The following ITGA8 variants were observed in gnomAD, a reference collection of about 807,000 sequenced individuals.
ITGA8 encodes the protein integrin alpha-8.
Under a neutral mutation model 142.3 loss-of-function variants are expected in ITGA8, and 91 were observed. That is an observed-to-expected ratio of 0.64 (90% CI 0.54 to 0.76). ITGA8 has a LOEUF of 0.76. Among genes scored for constraint, ITGA8 ranks in the 30% least tolerant of loss-of-function variants. ITGA8 has a pLI of 0.00. For missense variants in ITGA8, 1,406 were observed against 1,327.7 expected, an observed-to-expected ratio of 1.06 and a Z score of -0.92; for synonymous variants, 505 against 485.2, an observed-to-expected ratio of 1.04 and a Z score of -0.54.
intron 28 of ITGA8, among the ~76,000 whole-genome samples, chr10:15,530,217 T>C (rs1251503061): frequency 6.6e-6 from 1 of 152,132 alleles, no homozygotes; most frequent in Admixed American, 6.6e-5. Flanking sequence ...TGATAGATGT[T>C]TGGGTGTCAG....
At chr10:15,673,240 C>G (rs143632272) in intron 6 of ITGA8, among the ~76,000 whole-genome samples, 2 of 152,128 alleles carry the variant, frequency 1.3e-5, no homozygotes, top group Admixed American at 6.5e-5. Context: ...CCTACCACCA[C>G]GCCTGGCTAA....
In ITGA8 at chr10:15,646,988, T is replaced by C. The variant is rs143488108; in HGVS notation, c.1065A>G (p.Arg355=). The change falls in exon 12 of 30, where the codon AGA becomes AGG. Residue 355 remains arginine, a synonymous_variant. Coordinates refer to ENST00000378076, the MANE Select transcript of ITGA8 (RefSeq NM_003638.3). The part of the protein sequence containing the change: ...FMEREFESNP[R]EVGQIYLYLQ... The stretch of plus-strand genomic sequence containing the variant: ...AATACAGGTAGATTTGCCCTACTTC[T>C]CTGGGGTTGCTCTCAAATTCACGTT... The C allele has an allele frequency of 3.0e-4, 489 of 1,614,112 alleles. 3 individuals are homozygous for C. The highest frequency in any genetic ancestry group is 2.3e-3 in the African/African-American group (174 of 75,006).
intron 27 of ITGA8, among the ~76,000 whole-genome samples, chr10:15,537,256 T>G (rs1833464500): frequency 6.6e-6 from 1 of 152,194 alleles, no homozygotes; most frequent in Non-Finnish European, 1.5e-5. Context: ...ACAAAACTGT[T>G]AATAGGCCCC....
chr10:15,719,761 C>T lies in ITGA8; in HGVS notation c.11G>A (p.Gly4Glu). 3.7e-6 allele frequency: 5 copies of T among 1,352,758 alleles called. No homozygotes were observed. Among genetic ancestry groups the T allele is most frequent in the Non-Finnish European group, 4.7e-6 (5 of 1,060,992 alleles). The allele number at this position is 1,352,758 out of a possible 1,614,324, so 83.8% of individuals were successfully genotyped here. A position where few individuals can be genotyped will look rare whatever the true frequency, so the allele number is the denominator to read the frequency against. ...GCTTCCCCGGGGACCGCGGCTGGCCCCGGGCGACATCTCCCTCCGCCCCGG... is the reference window on the plus strand; with the variant it reads ...GCTTCCCCGGGGACCGCGGCTGGCCTCGGGCGACATCTCCCTCCGCCCCGG... Reference protein sequence around the residue: MSPGASRGPRGSQA... With the variant: MSPEASRGPRGSQA... Residue 4 changes from glycine to glutamate, a missense_variant, in exon 1 of 30, where the codon GGG becomes GAG. Gly to Glu is a moderately conservative substitution (Grantham distance 98). Coordinates refer to ENST00000378076, the MANE Select transcript of ITGA8 (RefSeq NM_003638.3).
intron 27 of ITGA8, among the ~76,000 whole-genome samples, chr10:15,541,534 T>C (rs946815552): frequency 2.6e-5 from 4 of 152,260 alleles, no homozygotes; most frequent in Non-Finnish European, 4.4e-5. Flanking sequence ...ATCTCATTTG[T>C]TGGTTAGTTT....
chr10:15,614,694 T>C (rs1020945892), intron 14 of ITGA8, among the ~76,000 whole-genome samples: 1 of 152,166 alleles, frequency 6.6e-6, no homozygotes, highest in African/African-American at 2.4e-5. Flanking sequence ...TTGGATAAGT[T>C]TCCCCCCAAC....
intron 6 of ITGA8, among the ~76,000 whole-genome samples, chr10:15,676,812 C>G (rs1564404527): frequency 6.6e-6 from 1 of 152,090 alleles, no homozygotes; most frequent in African/African-American, 2.4e-5. Flanking sequence ...AGTTTGAGAC[C>G]AGCCTGGCCA....
intron 8 of ITGA8, among the ~76,000 whole-genome samples, chr10:15,671,163 A>G (rs1431380799): frequency 6.6e-6 from 1 of 152,146 alleles, no homozygotes; most frequent in Non-Finnish European, 1.5e-5. Flanking sequence ...TTGTTTTGTT[A>G]TTTGGGGTTT....
intron 22 of ITGA8, among the ~76,000 whole-genome samples, chr10:15,588,046 T>C (rs934899811): frequency 1.3e-5 from 2 of 151,948 alleles, no homozygotes; most frequent in Non-Finnish European, 2.9e-5. Context: ...TATTCAGGTG[T>C]CATTAGGAAG....
intron 13 of ITGA8, among the ~76,000 whole-genome samples, chr10:15,635,003 CTTTTTTTTTTTT>C (rs915334219): frequency 2.8e-5 from 3 of 107,234 alleles, no homozygotes; most frequent in East Asian, 2.6e-4. Flanking sequence ...TTCTTTCTTT[CTTTTTTTTTTTT>C]TTTTTTTTTG....
At chr10:15,645,341 T>G (rs975166507) in intron 12 of ITGA8, among the ~76,000 whole-genome samples, 3 of 152,246 alleles carry the variant, frequency 2.0e-5, no homozygotes, top group African/African-American at 4.8e-5. Context: ...TTAGAATGCT[T>G]CTTTTATCTT....
chr10:15,623,745 A>G (rs7099106), intron 13 of ITGA8, among the ~76,000 whole-genome samples: 61,099 of 151,990 alleles, frequency 0.4, 12,933 homozygotes, highest in South Asian at 0.65. Context: ...GATAAATTTC[A>G]TCCTTTTTAG....
chr10:15,633,622 G>T (rs1362639131), intron 13 of ITGA8, among the ~76,000 whole-genome samples: 1 of 152,058 alleles, frequency 6.6e-6, no homozygotes, highest in Non-Finnish European at 1.5e-5. Context: ...GTTTTACCAT[G>T]TTGGCCAGAG....
intron 2 of ITGA8, among the ~76,000 whole-genome samples, chr10:15,698,384 A>G (rs909980032): frequency 6.6e-6 from 1 of 152,190 alleles, no homozygotes; most frequent in African/African-American, 2.4e-5. Context: ...ATATGCTAGT[A>G]TCTTTTTCAT....
At chr10:15,603,637 G>A (rs2131606887) in intron 20 of ITGA8, among the ~76,000 whole-genome samples, 1 of 152,340 alleles carries the variant, frequency 6.6e-6, no homozygotes, top group East Asian at 1.9e-4. Context: ...TAGCATTGTT[G>A]TCATTTAAAC....
chr10:15,631,858 G>C (rs1408342974), intron 13 of ITGA8, among the ~76,000 whole-genome samples: 1 of 150,716 alleles, frequency 6.6e-6, no homozygotes, highest in Non-Finnish European at 1.5e-5. Context: ...GCAAGATCAA[G>C]TATAAATAAT....
intron 25 of ITGA8, among the ~76,000 whole-genome samples, chr10:15,560,372 A>T (rs1340103061): frequency 2.6e-5 from 4 of 152,234 alleles, no homozygotes; most frequent in Admixed American, 6.5e-5. Flanking sequence ...CAGTAGCTCA[A>T]GAGTGAAAGG....
chr10:15,661,290 C>T (rs940881839), intron 8 of ITGA8, among the ~76,000 whole-genome samples: 3 of 152,170 alleles, frequency 2.0e-5, no homozygotes, highest in African/African-American at 7.2e-5. Context: ...AGGTTGCACG[C>T]CTCTTGAGAA....
intron 23 of ITGA8, among the ~76,000 whole-genome samples, chr10:15,583,333 G>A (rs1369234033): frequency 6.6e-6 from 1 of 152,086 alleles, no homozygotes; most frequent in East Asian, 1.9e-4. Context: ...TGGACAACAG[G>A]GAGGGGAACA....
Sources: allele counts gnomAD v4.1 joint callset (sites outside exome capture counted in the v4.1 genomes callset), GRCh38; gene constraint gnomAD v4.1.1; transcripts MANE v1.5; gene names NCBI Gene and HGNC (gene_info 2026-07-23, HGNC 2026-07-21).